GLIS3: variants seen among roughly 807,000 people sequenced by gnomAD.
GLIS3 encodes zinc finger protein GLIS3.
GLIS3 carries 53 observed loss-of-function variants against 78.6 expected under a neutral mutation model. The ratio of observed to expected loss-of-function variants is 0.67; its 90% CI spans 0.54 to 0.85. The LOEUF (loss-of-function observed/expected upper bound fraction) is 0.85. GLIS3 is among the 40% of genes least tolerant of loss of function. GLIS3 has a pLI of 0.00. For synonymous variants in GLIS3, 684 were observed against 509.9 expected (o/e 1.34, Z -4.60); for missense variants, 1,703 against 1,231.1 (o/e 1.38, Z -5.74).
chr9:4,147,874 A>T (rs1212247038), intron 2 of GLIS3, among the ~76,000 whole-genome samples: 3 of 152,184 alleles, frequency 2.0e-5, no homozygotes, highest in African/African-American at 7.2e-5. Flanking sequence ...GTCTGAAAAT[A>T]GCTAACTCTG....
chr9:4,207,258 G>C (rs1264283905), intron 2 of GLIS3, among the ~76,000 whole-genome samples: 4 of 152,150 alleles, frequency 2.6e-5, no homozygotes, highest in Admixed American at 2.0e-4. Context: ...CAGAGGGAAG[G>C]TGGACTCTGC....
At chr9:4,317,813 G>A (rs1052010904) in intron 2 of GLIS3, among the ~76,000 whole-genome samples, 2 of 152,176 alleles carry the variant, frequency 1.3e-5, no homozygotes, top group Non-Finnish European at 1.5e-5. Flanking sequence ...AAACCATTGA[G>A]AGTGAATGAA....
intron 2 of GLIS3, among the ~76,000 whole-genome samples, chr9:4,317,150 C>A (rs1817448873): frequency 6.6e-6 from 1 of 152,190 alleles, no homozygotes; most frequent in African/African-American, 2.4e-5. Context: ...TGCCTTTCGA[C>A]TGCAAGGTTA....
At chr9:4,007,994 C>T (rs1821698105) in intron 4 of GLIS3, among the ~76,000 whole-genome samples, 1 of 152,050 alleles carries the variant, frequency 6.6e-6, no homozygotes. Flanking sequence ...TCTGTGTACA[C>T]CAGGGTTGCA....
intron 2 of GLIS3, among the ~76,000 whole-genome samples, chr9:4,157,226 G>A (rs7026219): frequency 0.47 from 71,640 of 151,992 alleles, 17,219 homozygotes; most frequent in Middle Eastern, 0.56. Context: ...GAGACACCAG[G>A]TGAAAGGAAG....
chr9:3,857,296 C>T (rs1268085117), intron 8 of GLIS3, among the ~76,000 whole-genome samples: 2 of 152,184 alleles, frequency 1.3e-5, no homozygotes, highest in African/African-American at 2.4e-5. Context: ...TATAGGTCAC[C>T]ATCTGCTTAC....
the GLIS3 span, among the ~76,000 whole-genome samples, chr9:4,407,755 T>C: frequency 1.3e-5 from 2 of 152,046 alleles, no homozygotes; most frequent in South Asian, 2.1e-4. Context: ...AAAGCAGAAA[T>C]GTACACATAG....
At chr9:4,363,233 G>T in the GLIS3 span, among the ~76,000 whole-genome samples, 1 of 152,102 alleles carries the variant, frequency 6.6e-6, no homozygotes, top group African/African-American at 2.4e-5. Flanking sequence ...GACCAGCCTG[G>T]CCAACATGGT....
chr9:3,978,994 G>A (rs754813525), intron 4 of GLIS3, among the ~76,000 whole-genome samples: 90 of 152,128 alleles, frequency 5.9e-4, no homozygotes, highest in Non-Finnish European at 9.8e-4. Flanking sequence ...GATGTGTGTA[G>A]GTTGTATGCA....
chr9:4,062,664 A>G (rs907179336), intron 4 of GLIS3, among the ~76,000 whole-genome samples: 2 of 152,236 alleles, frequency 1.3e-5, no homozygotes, highest in African/African-American at 2.4e-5. Flanking sequence ...ACAGTGGCTC[A>G]CGCCTGTAAT....
chr9:4,397,159 G>A, the GLIS3 span, among the ~76,000 whole-genome samples: 5 of 139,870 alleles, frequency 3.6e-5, no homozygotes, highest in African/African-American at 1.5e-4. Flanking sequence ...CCGAGTAGCT[G>A]GGACTACAGG....
chr9:4,409,087 T>A, the GLIS3 span, among the ~76,000 whole-genome samples: 2 of 152,316 alleles, frequency 1.3e-5, no homozygotes, highest in East Asian at 3.9e-4. Flanking sequence ...CAAATTTCTG[T>A]AACTCATAAA....
At chr9:4,373,337 G>A in the GLIS3 span, among the ~76,000 whole-genome samples, 5 of 152,260 alleles carry the variant, frequency 3.3e-5, no homozygotes, top group Admixed American at 6.5e-5. Flanking sequence ...ATCACCTGGG[G>A]GAAATTGGGA....
At chr9:3,990,323 T>C (rs1820122765) in intron 4 of GLIS3, among the ~76,000 whole-genome samples, 1 of 152,158 alleles carries the variant, frequency 6.6e-6, no homozygotes, top group Non-Finnish European at 1.5e-5. Context: ...CTAGCAAACA[T>C]CCTATCAATC....
At chr9:4,409,637 A>T in the GLIS3 span, among the ~76,000 whole-genome samples, 2 of 152,246 alleles carry the variant, frequency 1.3e-5, no homozygotes, top group Non-Finnish European at 2.9e-5. Context: ...TGAAAATTCT[A>T]GTAATTTCAA....
chr9:3,947,523 C>G (rs185139674), intron 4 of GLIS3, among the ~76,000 whole-genome samples: 9 of 152,322 alleles, frequency 5.9e-5, no homozygotes, highest in East Asian at 3.9e-4. Context: ...GCACACATAT[C>G]CCACACAGAT....
chr9:4,344,180 A>G (rs1817872571), intron 2 of GLIS3, among the ~76,000 whole-genome samples: 2 of 152,106 alleles, frequency 1.3e-5, no homozygotes, highest in Non-Finnish European at 2.9e-5. Flanking sequence ...TCCCCTTTAC[A>G]GCAAGTCTCC....
rs745511715 is a variant in GLIS3 at position 4,118,168 on chromosome 9, G to A, written c.1310C>T (p.Pro437Leu). The change falls in exon 4 of 11, where the codon CCG becomes CTG. Residue 437 changes from proline (P) to leucine (L), a missense_variant. Coordinates refer to ENST00000381971, the MANE Select transcript of GLIS3 (RefSeq NM_001042413.2). The surrounding 1 kb of genome is among the most constrained non-coding windows in gnomAD (Gnocchi z 4.7). ...LFKTERLEEFPGSTVDLPPAP... is the reference protein window; with the variant it reads ...LFKTERLEEFLGSTVDLPPAP... ...GGGGGGTAGGTCTACGGTGCTGCCC[G>A]GGAACTCCTCCAGGCGTTCGGTCTT... The A allele has an allele frequency of 6.4e-5, 100 of 1,566,664 alleles. No homozygotes were observed. Among genetic ancestry groups the A allele is most frequent in the South Asian group, 2.4e-5 (2 of 83,850 alleles).
In GLIS3 at chr9:3,937,087, G is replaced by A; in HGVS notation, c.1813C>T (p.Gln605Ter). ...TCACTGGAGTTACTGAAGGCCTTCT[G>A]ACAACCCGGATGCTGGCACAAATAC... ...KPYLCQHPGC[Q>*]KAFSNSSDRA... The change falls in exon 5 of 11, where the codon CAG (glutamine) becomes TAG (stop). Residue 605 changes from glutamine to a stop codon, truncating the protein, a stop_gained. Transcript: ENST00000381971. LOFTEE classifies it high-confidence loss of function. The A allele has an allele frequency of 6.2e-7, 1 of 1,613,904 alleles. No homozygotes were observed.
Sources: allele counts gnomAD v4.1 joint callset (sites outside exome capture counted in the v4.1 genomes callset), GRCh38; gene constraint gnomAD v4.1.1; non-coding constraint Gnocchi (gnomAD v3.1); transcripts MANE v1.5; gene names NCBI Gene and HGNC (gene_info 2026-07-23, HGNC 2026-07-21).